The following TENM2 variants were observed in gnomAD, a reference collection of about 807,000 sequenced individuals.
TENM2 encodes the protein teneurin-2.
TENM2 carries 52 observed loss-of-function variants against 245.2 expected under a neutral mutation model. The observed-to-expected ratio is 0.21, with a 90% confidence interval of 0.17 to 0.27. The LOEUF is 0.27. Among genes scored for constraint, TENM2 ranks in the 10% least tolerant of loss-of-function variants. The pLI is 1.00. For synonymous variants in TENM2, 1,363 were observed against 1,438.9 expected, an observed-to-expected ratio of 0.95 and a Z score of 1.19; for missense variants, 3,046 against 3,666.8, an observed-to-expected ratio of 0.83 and a Z score of 4.37.
chr5:167,698,671 T>C (rs1757930261), intron 2 of TENM2, among the ~76,000 whole-genome samples: 1 of 134,572 alleles, frequency 7.4e-6, no homozygotes. Flanking sequence ...TGTTTTGTTT[T>C]GTTTTTTGTT....
At chr5:167,148,532 G>C in the TENM2 span, among the ~76,000 whole-genome samples, 1 of 152,094 alleles carries the variant, frequency 6.6e-6, no homozygotes, top group East Asian at 1.9e-4. Context: ...TACTTAAATA[G>C]TTGAAATGAA....
chr5:167,584,602 T>A (rs548660132), intron 2 of TENM2, among the ~76,000 whole-genome samples: 2 of 152,176 alleles, frequency 1.3e-5, no homozygotes, highest in South Asian at 4.1e-4. Context: ...GTTTTCCTTT[T>A]CATTCAGTTC....
intron 1 of TENM2, among the ~76,000 whole-genome samples, chr5:167,292,799 G>T (rs1307031982): frequency 6.6e-6 from 1 of 152,184 alleles, no homozygotes; most frequent in African/African-American, 2.4e-5. Flanking sequence ...GATAATATTG[G>T]ATGGTTTTGG....
chr5:167,000,548 G>C, the TENM2 span, among the ~76,000 whole-genome samples: 10 of 152,164 alleles, frequency 6.6e-5, no homozygotes, highest in Non-Finnish European at 1.2e-4. Flanking sequence ...AAAGAATTCT[G>C]TGTGCAGAAA....
At chr5:167,157,604 TA>T in the TENM2 span, among the ~76,000 whole-genome samples, 1 of 152,240 alleles carries the variant, frequency 6.6e-6, no homozygotes, top group East Asian at 1.9e-4. Flanking sequence ...GGGAGGAAGA[TA>T]TTTTTATATC....
intron 5 of TENM2, among the ~76,000 whole-genome samples, chr5:168,029,738 G>A (rs769909086): frequency 3.3e-5 from 5 of 152,120 alleles, no homozygotes; most frequent in Non-Finnish European, 7.4e-5. Context: ...ATCCTTAACT[G>A]GCACCGTGCC....
At chr5:167,181,527 T>G in the TENM2 span, among the ~76,000 whole-genome samples, 3 of 148,924 alleles carry the variant, frequency 2.0e-5, no homozygotes, top group African/African-American at 4.9e-5. Context: ...TGTTCACGTA[T>G]CCCACCTTTA....
the TENM2 span, among the ~76,000 whole-genome samples, chr5:167,067,300 A>T: frequency 4.6e-5 from 7 of 152,312 alleles, no homozygotes; most frequent in Middle Eastern, 6.8e-3. Context: ...AAACTTTTGC[A>T]GAATTTTTTT....
At chr5:168,133,484 A>C (rs1754769538) in intron 12 of TENM2, among the ~76,000 whole-genome samples, 1 of 152,226 alleles carries the variant, frequency 6.6e-6, no homozygotes, top group African/African-American at 2.4e-5. Context: ...GGTTATTCTA[A>C]TGCAATCAAG....
chr5:168,023,548 CA>C (rs1786348913), intron 5 of TENM2, among the ~76,000 whole-genome samples: 1 of 152,152 alleles, frequency 6.6e-6, no homozygotes, highest in African/African-American at 2.4e-5. Flanking sequence ...GGCCGGGGTC[CA>C]GGGGGAGGGG....
intron 2 of TENM2, among the ~76,000 whole-genome samples, chr5:167,631,276 G>T (rs933806227): frequency 5.3e-5 from 8 of 152,140 alleles, no homozygotes; most frequent in Non-Finnish European, 7.4e-5. Flanking sequence ...AGAGAGGCAG[G>T]CAAATGGGGC....
intron 2 of TENM2, among the ~76,000 whole-genome samples, chr5:167,784,179 T>C (rs1237571603): frequency 6.6e-6 from 1 of 152,226 alleles, no homozygotes; most frequent in Non-Finnish European, 1.5e-5. Context: ...AACTTCTGAC[T>C]TTGTCATTAA....
At chr5:167,435,735 A>G (rs972608085) in intron 2 of TENM2, among the ~76,000 whole-genome samples, 5 of 152,130 alleles carry the variant, frequency 3.3e-5, no homozygotes, top group Admixed American at 1.3e-4. Context: ...GACTCCCTAG[A>G]GACTTGTTGA....
intron 2 of TENM2, among the ~76,000 whole-genome samples, chr5:167,534,334 A>C (rs1410654688): frequency 6.6e-6 from 1 of 152,186 alleles, no homozygotes; most frequent in East Asian, 1.9e-4. Context: ...TTTGCATTTC[A>C]AAGAGCGTGA....
At chr5:167,048,136 G>A in the TENM2 span, among the ~76,000 whole-genome samples, 1 of 152,104 alleles carries the variant, frequency 6.6e-6, no homozygotes, top group Non-Finnish European at 1.5e-5. Flanking sequence ...ATTTGGCTAT[G>A]TTTCCCCTGT....
chr5:167,789,990 G>A (rs151281049), intron 2 of TENM2, among the ~76,000 whole-genome samples: 132 of 152,284 alleles, frequency 8.7e-4, no homozygotes, highest in Middle Eastern at 3.4e-3. Flanking sequence ...TCCCATTAGA[G>A]TTTACAGATA....
chr5:167,973,880 C>G (rs990950825), intron 4 of TENM2, among the ~76,000 whole-genome samples: 1 of 151,252 alleles, frequency 6.6e-6, no homozygotes, highest in South Asian at 2.1e-4. Context: ...GGGATGTACA[C>G]AAAGGCATGT....
At chr5:167,643,746 C>T (rs1258785911) in intron 2 of TENM2, among the ~76,000 whole-genome samples, 1 of 152,106 alleles carries the variant, frequency 6.6e-6, no homozygotes, top group Non-Finnish European at 1.5e-5. Context: ...ATTATTCGAA[C>T]CCTAAATGGT....
At chr5:167,644,759 C>T (rs564917977) in intron 2 of TENM2, among the ~76,000 whole-genome samples, 1 of 152,316 alleles carries the variant, frequency 6.6e-6, no homozygotes, top group African/African-American at 2.4e-5. Flanking sequence ...AACAATCATA[C>T]TAAACTGTCT....
Sources: gnomAD v4.1 joint callset for allele counts (sites outside exome capture counted in the v4.1 genomes callset) on GRCh38, gnomAD v4.1.1 for gene constraint, MANE v1.5 for transcripts, NCBI Gene and HGNC (gene_info 2026-07-23, HGNC 2026-07-21) for gene names.